TRPM3: variants seen among roughly 807,000 people sequenced by gnomAD.
The protein encoded by TRPM3 is long transient receptor potential channel 3.
Under a neutral mutation model 181.2 loss-of-function variants are expected in TRPM3, and 77 were observed. That is an observed-to-expected ratio of 0.42 (90% CI 0.35 to 0.51). The LOEUF is 0.51. TRPM3 is among the 20% of genes least tolerant of loss of function. TRPM3 has a pLI of 0.01. For missense variants in TRPM3, 1,759 were observed against 2,196.7 expected (o/e 0.80, Z 3.98); for synonymous variants, 745 against 796.4 (o/e 0.94, Z 1.09).
At chr9:71,198,511 A>G (rs1269558268) in intron 1 of TRPM3, among the ~76,000 whole-genome samples, 1 of 152,136 alleles carries the variant, frequency 6.6e-6, no homozygotes, top group African/African-American at 2.4e-5. Context: ...TGAGCATGGA[A>G]TGTTCTTCCA....
At chr9:70,995,485 T>A (rs1431470016) in intron 1 of TRPM3, among the ~76,000 whole-genome samples, 1 of 152,184 alleles carries the variant, frequency 6.6e-6, no homozygotes, top group Non-Finnish European at 1.5e-5. Flanking sequence ...ATTTTTTTTT[T>A]AACTGCGTTA....
intron 1 of TRPM3, among the ~76,000 whole-genome samples, chr9:71,016,059 G>T (rs1275284241): frequency 5.3e-5 from 8 of 151,522 alleles, no homozygotes; most frequent in African/African-American, 1.9e-4. Flanking sequence ...GCTGGGTGTG[G>T]TGGTGCGTGC....
At position 70,900,969 on chromosome 9, in the gene TRPM3, G is replaced by T. The variant is rs1249667043; in HGVS notation, c.178-36458C>A. Among the ~76,000 whole-genome samples, 3 of 152,202 alleles carry T rather than the reference G, an allele frequency of 2.0e-5. No individual in the cohort carries two copies. The East Asian group carries it at 5.8e-4, about 29-fold the overall frequency. ...AACTATTTTCCATTATATGCCCAGT[G>T]GGATGTAGAAGGCAACTTTTTCTCT... On this transcript the variant is annotated intron_variant, in intron 1 of 25. Coordinates refer to ENST00000677713, the MANE Select transcript of TRPM3 (RefSeq NM_001366145.2).
intron 1 of TRPM3, among the ~76,000 whole-genome samples, chr9:71,413,567 G>T (rs934434764): frequency 1.3e-5 from 2 of 152,006 alleles, no homozygotes; most frequent in Non-Finnish European, 2.9e-5. Context: ...GAATACTATG[G>T]TCTGAATGTG....
At chr9:71,312,393 C>T (rs1432382746) in intron 1 of TRPM3, among the ~76,000 whole-genome samples, 1 of 152,104 alleles carries the variant, frequency 6.6e-6, no homozygotes, top group Non-Finnish European at 1.5e-5. Flanking sequence ...TCCAGAAGAA[C>T]ACCACCAAAT....
chr9:70,625,456 A>G lies in TRPM3; in HGVS notation c.1668+26T>C. On this transcript the variant is annotated intron_variant, in intron 13 of 25. Transcript: ENST00000677713. The surrounding 1 kb of genome is among the most constrained non-coding windows in gnomAD (Gnocchi z 4.8). Reference sequence around the variant, plus strand: ...AATGAAAAAAGAAACATATGAATGTATTATTATGCTGGTTAATTAATTCAC... The same window carrying G: ...AATGAAAAAAGAAACATATGAATGTGTTATTATGCTGGTTAATTAATTCAC... 1 of 1,603,884 alleles carries G rather than the reference A, an allele frequency of 6.2e-7. No individual in the cohort carries two copies. The highest frequency in any genetic ancestry group is 8.5e-7 in the Non-Finnish European group (1 of 1,176,194).
At chr9:70,969,509 A>G (rs560142356) in intron 1 of TRPM3, among the ~76,000 whole-genome samples, 11 of 148,406 alleles carry the variant, frequency 7.4e-5, no homozygotes, top group Non-Finnish European at 1.4e-4. Context: ...TGAATAGCCA[A>G]TACTATTAAT....
chr9:71,171,012 G>A (rs1034259943), intron 1 of TRPM3, among the ~76,000 whole-genome samples: 1 of 140,316 alleles, frequency 7.1e-6, no homozygotes, highest in Non-Finnish European at 1.6e-5. Flanking sequence ...TGCGCCTGGA[G>A]GTATAGGCTT....
chr9:70,994,360 C>A (rs1264902396), intron 1 of TRPM3, among the ~76,000 whole-genome samples: 6 of 152,144 alleles, frequency 3.9e-5, no homozygotes, highest in African/African-American at 1.4e-4. Flanking sequence ...GGAAGCTTAC[C>A]CAGGTGTATG....
At chr9:70,801,010 G>A (rs2088836693) in intron 6 of TRPM3, among the ~76,000 whole-genome samples, 1 of 152,308 alleles carries the variant, frequency 6.6e-6, no homozygotes, top group Admixed American at 6.5e-5. Context: ...TCTACAGTCT[G>A]AATTCTTGGT....
chr9:70,784,024 C>A, intron 7 of TRPM3, 81 bp downstream of exon 7: 1 of 1,512,540 alleles, frequency 6.6e-7, no homozygotes, highest in Middle Eastern at 2.5e-4. Context: ...CTTGGTTGAG[C>A]TACTGAAAAC....
chr9:71,182,620 A>C (rs1003199914), intron 1 of TRPM3, among the ~76,000 whole-genome samples: 2 of 152,104 alleles, frequency 1.3e-5, no homozygotes, highest in African/African-American at 4.8e-5. Flanking sequence ...ATAAAACATA[A>C]AATAGTATAA....
At chr9:70,604,127 C>T (rs1366557942) in intron 19 of TRPM3, among the ~76,000 whole-genome samples, 2 of 152,180 alleles carry the variant, frequency 1.3e-5, no homozygotes, top group African/African-American at 4.8e-5. Context: ...AGGAAAGGGT[C>T]CGTGTGGCCT....
chr9:70,626,005 G>T (rs537477820), intron 12 of TRPM3, among the ~76,000 whole-genome samples: 1 of 152,234 alleles, frequency 6.6e-6, no homozygotes, highest in Middle Eastern at 3.4e-3. Context: ...AGAAATTGGA[G>T]GAGACATTTT....
At chr9:70,849,371 T>C (rs2095129163) in intron 3 of TRPM3, among the ~76,000 whole-genome samples, 1 of 152,150 alleles carries the variant, frequency 6.6e-6, no homozygotes, top group South Asian at 2.1e-4. Context: ...GGTCTTGAAC[T>C]CCTGATCTTG....
intron 1 of TRPM3, among the ~76,000 whole-genome samples, chr9:71,184,011 G>C (rs577151920): frequency 1.3e-5 from 2 of 152,022 alleles, no homozygotes; most frequent in East Asian, 1.9e-4. Flanking sequence ...CAGCTTTGCC[G>C]CATCTCTCAC....
intron 1 of TRPM3, among the ~76,000 whole-genome samples, chr9:71,284,698 G>A (rs892643937): frequency 1.2e-4 from 19 of 152,162 alleles, no homozygotes; most frequent in African/African-American, 4.6e-4. Flanking sequence ...TGAGGGAAAT[G>A]TTATTCACTA....
intron 1 of TRPM3, among the ~76,000 whole-genome samples, chr9:71,114,376 AC>A (rs1430654610): frequency 6.6e-6 from 1 of 151,914 alleles, no homozygotes; most frequent in Non-Finnish European, 1.5e-5. Flanking sequence ...TACCTGAACC[AC>A]CCCACCCCAG....
intron 1 of TRPM3, among the ~76,000 whole-genome samples, chr9:71,169,061 G>A (rs1227814243): frequency 6.6e-6 from 1 of 152,142 alleles, no homozygotes; most frequent in African/African-American, 2.4e-5. Flanking sequence ...GAGATAATAG[G>A]GAGTGGTGAG....
Sources: gnomAD v4.1 joint callset for allele counts (sites outside exome capture counted in the v4.1 genomes callset) on GRCh38, gnomAD v4.1.1 for gene constraint, Gnocchi (gnomAD v3.1) non-coding constraint, MANE v1.5 for transcripts, NCBI Gene and HGNC (gene_info 2026-07-23, HGNC 2026-07-21) for gene names.